SDK1: variants seen among roughly 807,000 people sequenced by gnomAD.
The protein encoded by SDK1 is protein sidekick-1.
A neutral mutation model predicts 245.5 loss-of-function variants in SDK1; 157 were observed. That is an observed-to-expected ratio of 0.64 (90% CI 0.56 to 0.73). The LOEUF is 0.73. SDK1 is among the 30% of genes least tolerant of loss of function. The probability of loss-of-function intolerance (pLI) is 0.00; values close to 1 mark genes in which losing one functional copy is unlikely to be tolerated. For synonymous variants in SDK1, 1,647 were observed against 1,278.5 expected, an observed-to-expected ratio of 1.29 and a Z score of -6.15; for missense variants, 3,583 against 3,002.3, an observed-to-expected ratio of 1.19 and a Z score of -4.52.
chr7:3,475,824 C>T (rs1314449147), intron 1 of SDK1, among the ~76,000 whole-genome samples: 1 of 152,176 alleles, frequency 6.6e-6, no homozygotes, highest in Non-Finnish European at 1.5e-5. Context: ...TAAAAATCAC[C>T]TGAGCTGCCT....
intron 1 of SDK1, among the ~76,000 whole-genome samples, chr7:3,369,779 GA>G (rs1468782751): frequency 3.9e-5 from 6 of 152,186 alleles, no homozygotes; most frequent in African/African-American, 1.4e-4. Flanking sequence ...CTTTAGTAAT[GA>G]AAAACTAACC....
chr7:3,381,633 C>T (rs985387002), intron 1 of SDK1, among the ~76,000 whole-genome samples: 5 of 152,066 alleles, frequency 3.3e-5, no homozygotes, highest in Non-Finnish European at 7.4e-5. Flanking sequence ...GAGAAGGATC[C>T]TAGAAGGATT....
intron 4 of SDK1, among the ~76,000 whole-genome samples, chr7:3,806,731 GT>G (rs1396846348): frequency 6.6e-6 from 1 of 152,202 alleles, no homozygotes; most frequent in African/African-American, 2.4e-5. Context: ...GAGCAATTAC[GT>G]TTTATGTTAT....
intron 44 of SDK1, among the ~76,000 whole-genome samples, chr7:4,263,312 G>A (rs1300172820): frequency 6.6e-6 from 1 of 150,938 alleles, no homozygotes; most frequent in African/African-American, 2.4e-5. Context: ...GCTCTTCTAT[G>A]TTCTGCCCTG....
chr7:3,895,157 A>C (rs925235517), intron 5 of SDK1, among the ~76,000 whole-genome samples: 2 of 152,362 alleles, frequency 1.3e-5, no homozygotes, highest in South Asian at 2.1e-4. Context: ...AGTTCAAGAA[A>C]GAAATCATAA....
rs1241214393 is a variant in SDK1 at position 4,267,664 on chromosome 7, C to T, written c.*2280C>T. ...TTACATGCCAGGGAGAGTGTTGAGA[C>T]GTCTTAGGTTGAGGATGAGCAGATT... is the stretch of plus-strand genomic sequence containing the variant. On this transcript the variant is annotated 3_prime_UTR_variant, in exon 45 of 45. Transcript: ENST00000404826. 6.1e-6 allele frequency: 6 copies of T among 985,440 alleles called. No homozygotes were observed. Among genetic ancestry groups the T allele is most frequent in the East Asian group, 2.3e-4 (2 of 8,804 alleles). 61.0% of individuals were successfully genotyped at this position (985,440 alleles called of 1,614,324 possible).
At chr7:4,019,672 T>A (rs1786712026) in intron 17 of SDK1, among the ~76,000 whole-genome samples, 1 of 151,956 alleles carries the variant, frequency 6.6e-6, no homozygotes, top group African/African-American at 2.4e-5. Context: ...CAGTTTCCCA[T>A]CTGCAGCTCG....
At chr7:3,769,804 G>A (rs372513043) in intron 4 of SDK1, among the ~76,000 whole-genome samples, 30 of 151,976 alleles carry the variant, frequency 2.0e-4, no homozygotes, top group African/African-American at 5.3e-4. Context: ...GGAAGGTAAC[G>A]TTCTTTGTTG....
chr7:4,176,118 CTT>C (rs112511150), intron 34 of SDK1, among the ~76,000 whole-genome samples: 3 of 149,028 alleles, frequency 2.0e-5, no homozygotes. Flanking sequence ...TTCCTTCTTC[CTT>C]TTTTTTTTTT....
intron 1 of SDK1, among the ~76,000 whole-genome samples, chr7:3,593,261 C>A (rs757642443): frequency 6.6e-6 from 1 of 152,154 alleles, no homozygotes; most frequent in Non-Finnish European, 1.5e-5. Flanking sequence ...CTTATTTCTA[C>A]ATAGAAGCAC....
intron 5 of SDK1, among the ~76,000 whole-genome samples, chr7:3,880,564 T>C (rs987835415): frequency 2.0e-5 from 3 of 150,114 alleles, no homozygotes; most frequent in Non-Finnish European, 3.0e-5. Flanking sequence ...TTTTTTTTTT[T>C]TTTTTAAGAA....
At chr7:3,977,405 C>G (rs1394322814) in intron 13 of SDK1, among the ~76,000 whole-genome samples, 2 of 108,422 alleles carry the variant, frequency 1.8e-5, no homozygotes, top group East Asian at 3.9e-4. Context: ...CACTGGGGGT[C>G]CCGGGGCTGA....
At chr7:3,582,499 C>G (rs1780536221) in intron 1 of SDK1, among the ~76,000 whole-genome samples, 1 of 151,790 alleles carries the variant, frequency 6.6e-6, no homozygotes, top group Non-Finnish European at 1.5e-5. Flanking sequence ...GGTAGGCCTC[C>G]ACTCTCAAGT....
chr7:3,938,112 C>T (rs1019186362), intron 5 of SDK1, among the ~76,000 whole-genome samples: 4 of 152,160 alleles, frequency 2.6e-5, no homozygotes, highest in African/African-American at 7.2e-5. Flanking sequence ...GCTGGGATTA[C>T]AGGCATAAGC....
At chr7:4,027,222 T>C (rs966419961) in intron 17 of SDK1, among the ~76,000 whole-genome samples, 3 of 152,176 alleles carry the variant, frequency 2.0e-5, no homozygotes, top group African/African-American at 4.8e-5. Flanking sequence ...CTGAGGGTCA[T>C]GGACGATGAA....
intron 1 of SDK1, among the ~76,000 whole-genome samples, chr7:3,548,629 G>A (rs1292804013): frequency 6.6e-6 from 1 of 152,136 alleles, no homozygotes; most frequent in Non-Finnish European, 1.5e-5. Flanking sequence ...GGGCACCCAG[G>A]CTTTTGAAAT....
chr7:3,646,565 G>C (rs1302033773), intron 4 of SDK1, among the ~76,000 whole-genome samples: 2 of 152,142 alleles, frequency 1.3e-5, no homozygotes, highest in African/African-American at 4.8e-5. Flanking sequence ...TACACACAGA[G>C]CCAGGGTTCA....
At chr7:4,213,406 C>T (rs1321212193) in intron 38 of SDK1, among the ~76,000 whole-genome samples, 15 of 145,242 alleles carry the variant, frequency 1.0e-4, no homozygotes, top group African/African-American at 1.8e-4. Flanking sequence ...AGCAAGACTC[C>T]GTCTCAAAAA....
intron 28 of SDK1, among the ~76,000 whole-genome samples, chr7:4,142,992 A>G (rs1779679316): frequency 6.6e-6 from 1 of 152,176 alleles, no homozygotes; most frequent in Non-Finnish European, 1.5e-5. Context: ...AGGAAGCAGG[A>G]CATTGTTGGG....
Sources: allele counts gnomAD v4.1 joint callset (sites outside exome capture counted in the v4.1 genomes callset), GRCh38; gene constraint gnomAD v4.1.1; transcripts MANE v1.5; gene names NCBI Gene and HGNC (gene_info 2026-07-23, HGNC 2026-07-21).